Variants in FBH1 observed in about 807,000 individuals in gnomAD.
FBH1 encodes the protein DNA 3'-5' helicase 1.
Under a neutral mutation model 115.5 loss-of-function variants are expected in FBH1, and 43 were observed. The observed-to-expected ratio is 0.37, with a 90% CI of 0.29 to 0.48. The LOEUF (loss-of-function observed/expected upper bound fraction) is 0.48, where lower values mean the gene tolerates loss of function less well. FBH1 is among the 20% of genes least tolerant of loss of function. The pLI is 0.99. For missense variants in FBH1, 1,001 were observed against 1,337.3 expected (o/e 0.75, Z 3.92); for synonymous variants, 524 against 507.8 (o/e 1.03, Z -0.43).
At position 5,921,061 on chromosome 10, in the gene FBH1, G is replaced by T. The variant is rs1208051566; in HGVS notation, c.2101-197G>T. On this transcript the variant is annotated intron_variant, in intron 13 of 20. Transcript: ENST00000362091. The surrounding 1 kb of genome is among the most constrained non-coding windows in gnomAD (Gnocchi z 6.4). ...TTGCTTAAAAGAAAAATTTACTATT[G>T]GTGTTGAGAATAATGGAAAATAAAG... 2.0e-5 allele frequency among the ~76,000 whole-genome samples: 3 copies of T among 152,168 alleles called. No individual in the cohort carries two copies. Among genetic ancestry groups the T allele is most frequent in the African/African-American group, 7.2e-5 (3 of 41,438 alleles).
chr10:5,908,957 C>A lies in FBH1; in HGVS notation c.786C>A (p.Tyr262Ter). 1 of 1,614,128 alleles carries A rather than the reference C, an allele frequency of 6.2e-7. No homozygotes were observed. The change falls in exon 4 of 21, where the codon TAC becomes TAA. Residue 262 changes from tyrosine to a stop codon, truncating the protein, a stop_gained. Transcript: ENST00000362091. LOFTEE classifies it high-confidence loss of function. ...FIPWKKLYHR[Y>*]LMNEEQAVSK... ...CTTGGAAGAAGCTGTACCATCGATA[C>A]CTGATGAATGAAGAGCAAGCTGTCA...
At position 5,925,330 on chromosome 10, in the gene FBH1, G is replaced by A. The variant is rs1454967670; in HGVS notation, c.2597-37G>A. On this transcript the variant is annotated intron_variant, in intron 17 of 20. Coordinates refer to ENST00000362091, the MANE Select transcript of FBH1 (RefSeq NM_178150.3). The surrounding 1 kb of genome is among the most constrained non-coding windows in gnomAD (Gnocchi z 4.6). The stretch of plus-strand genomic sequence containing the variant: ...TTTGTCATCTTGTTTCTTTCCCTTT[G>A]AAGCACCATCTAACGTGTGCTGTGT... The A allele has an allele frequency of 2.5e-6, 4 of 1,604,960 alleles. No individual in the cohort carries two copies. In the African/African-American group the frequency reaches 4.0e-5, roughly 16 times the overall value.
chr10:5,895,751 A>G lies in FBH1; in HGVS notation c.1+5405A>G, dbSNP rs1842966926. ...CTTCTATTTTGAACACCCGGCTTCTAAGGATGTCCTGGGAATCAGCTTCCC... is the reference window on the plus strand; with the variant it reads ...CTTCTATTTTGAACACCCGGCTTCTGAGGATGTCCTGGGAATCAGCTTCCC... On this transcript the variant is annotated intron_variant, in intron 1 of 20. Transcript: ENST00000362091. This position sits in a 1 kb window ranked among gnomAD's most constrained non-coding sequence, Gnocchi z 5.0. Among the ~76,000 whole-genome samples, 1 of 152,102 alleles carries G rather than the reference A, an allele frequency of 6.6e-6. No homozygotes were observed. The highest frequency in any genetic ancestry group is 1.5e-5 in the Non-Finnish European group (1 of 68,014).
rs1832063389 is a variant in FBH1 at position 5,917,799 on chromosome 10, A to C, written c.1963+123A>C. The C allele has an allele frequency of 1.2e-6, 1 of 810,722 alleles. No individual in the cohort carries two copies. The highest frequency in any genetic ancestry group is 1.7e-5 in the African/African-American group (1 of 58,370). The allele number at this position is 810,722 out of a possible 1,614,324, so 50.2% of individuals were successfully genotyped here. A position where few individuals can be genotyped will look rare whatever the true frequency, so the allele number is the denominator to read the frequency against. ...ATTTGTGATAAAGAAGAGGATCTTC[A>C]TACTTACCTTAGGATTTCAAGCTGC... On this transcript the variant is annotated intron_variant, in intron 12 of 20. Transcript: ENST00000362091. The surrounding 1 kb of genome is among the most constrained non-coding windows in gnomAD (Gnocchi z 5.6).
rs1037935352 is a variant in FBH1 at position 5,925,219 on chromosome 10, T to C, written c.2597-148T>C. The C allele has an allele frequency of 4.3e-6, 4 of 933,128 alleles. No homozygotes were observed. The highest frequency in any genetic ancestry group is 6.4e-6 in the Non-Finnish European group (4 of 628,848). 57.8% of individuals were successfully genotyped at this position (933,128 alleles called of 1,614,324 possible). On this transcript the variant is annotated intron_variant, in intron 17 of 20. Transcript: ENST00000362091. This position sits in a 1 kb window ranked among gnomAD's most constrained non-coding sequence, Gnocchi z 4.6. ...CCCGACAGTTGTCTGTTCCCGACAG[T>C]TGTTTCCTCTTTCCCCCTTTTCCTA...
chr10:5,904,045 A>C (rs546067716), intron 2 of FBH1, among the ~76,000 whole-genome samples: 1 of 151,910 alleles, frequency 6.6e-6, no homozygotes, highest in Admixed American at 6.6e-5. Flanking sequence ...TTCAACTCAA[A>C]TATTATCTGG....
rs1161274110 is a variant in FBH1 at position 5,936,980 on chromosome 10, C to T, written c.2962-130C>T. On this transcript the variant is annotated intron_variant, in intron 20 of 20. Coordinates refer to ENST00000362091, the MANE Select transcript of FBH1 (RefSeq NM_178150.3). The surrounding 1 kb of genome is among the most constrained non-coding windows in gnomAD (Gnocchi z 5.6). The stretch of plus-strand genomic sequence containing the variant: ...GGAGGTGTTACTCTGAGGATGTGCA[C>T]CCCTCTGAAAACATCAGAATCCAAA... The T allele has an allele frequency of 2.9e-6, 3 of 1,045,016 alleles. No homozygotes were observed. The highest frequency in any genetic ancestry group is 5.9e-5 in the Admixed American group (2 of 33,684). 64.7% of individuals were successfully genotyped at this position (1,045,016 alleles called of 1,614,324 possible).
rs1054419370 is a variant in FBH1 at position 5,913,134 on chromosome 10, C to T, written c.1212-613C>T. Among the ~76,000 whole-genome samples, 1 of 152,066 alleles carries T rather than the reference C, an allele frequency of 6.6e-6. No homozygotes were observed. The highest frequency in any genetic ancestry group is 1.5e-5 in the Non-Finnish European group (1 of 68,020). ...TGCCAGCTGAGTCTGACGAGTCTGACGATGTCCTGTGCCTCTGCTGATTGA... is the reference window on the plus strand; with the variant it reads ...TGCCAGCTGAGTCTGACGAGTCTGATGATGTCCTGTGCCTCTGCTGATTGA... On this transcript the variant is annotated intron_variant, in intron 6 of 20. Transcript: ENST00000362091. This position sits in a 1 kb window ranked among gnomAD's most constrained non-coding sequence, Gnocchi z 4.4.
Position 5,914,117 on chromosome 10 carries a change from C to T in FBH1, c.1305-61C>T. The T allele has an allele frequency of 6.5e-7, 1 of 1,527,030 alleles. No individual in the cohort carries two copies. Among genetic ancestry groups the T allele is most frequent in the Non-Finnish European group, 9.1e-7 (1 of 1,101,890 alleles). 94.6% of individuals were successfully genotyped at this position (1,527,030 alleles called of 1,614,324 possible). A position where few individuals can be genotyped will look rare whatever the true frequency, so the allele number is the denominator to read the frequency against. ...TTTGTATGTTTGGTTTTTGGACTGTCTATCCCCTGGACTTTTCACGTCTTT... is the reference window on the plus strand; with the variant it reads ...TTTGTATGTTTGGTTTTTGGACTGTTTATCCCCTGGACTTTTCACGTCTTT... On this transcript the variant is annotated intron_variant, in intron 7 of 20. Transcript: ENST00000362091. The surrounding 1 kb of genome is among the most constrained non-coding windows in gnomAD (Gnocchi z 5.2).
chr10:5,927,665 G>C, intron 19 of FBH1, 124 bp downstream of exon 19: 1 of 672,662 alleles, frequency 1.5e-6, no homozygotes, highest in East Asian at 2.7e-5. Context: ...GAGAAACGCT[G>C]CTTGAACGTG....
intron 13 of FBH1, among the ~76,000 whole-genome samples, chr10:5,919,188 C>G (rs1322417240): frequency 6.6e-6 from 1 of 152,088 alleles, no homozygotes; most frequent in Non-Finnish European, 1.5e-5. Flanking sequence ...TTTATGTCAT[C>G]ATATAAGAGG....
At position 5,914,971 on chromosome 10, in the gene FBH1, G is replaced by A. The variant is rs530245033; in HGVS notation, c.1397-432G>A. ...AAGAAACTGAAGCACAGAGAGCCTT[G>A]CCCGGGGTTGAATAAGTGGATAGGT... On this transcript the variant is annotated intron_variant, in intron 8 of 20. Transcript: ENST00000362091. This position sits in a 1 kb window ranked among gnomAD's most constrained non-coding sequence, Gnocchi z 5.2. 1.2e-4 allele frequency among the ~76,000 whole-genome samples: 19 copies of A among 152,134 alleles called. No individual in the cohort carries two copies. Among genetic ancestry groups the A allele is most frequent in the Non-Finnish European group, 2.6e-4 (18 of 68,020 alleles).
In FBH1 at chr10:5,914,712, C is replaced by T. The variant is rs1159279340; in HGVS notation, c.1396+443C>T. ...TTATCTACAAGTGTCCTGCCTCAGT[C>T]AGCCACGCCGATCCACTCACAGCCT... On this transcript the variant is annotated intron_variant, in intron 8 of 20. Transcript: ENST00000362091. The surrounding 1 kb of genome is among the most constrained non-coding windows in gnomAD (Gnocchi z 5.2). Among the ~76,000 whole-genome samples the T allele has an allele frequency of 6.6e-6, 1 of 152,238 alleles. No individual in the cohort carries two copies. The highest frequency in any genetic ancestry group is 1.5e-5 in the Non-Finnish European group (1 of 68,042).
rs568346348 is a variant in FBH1 at position 5,909,410 on chromosome 10, C to G, written c.1020+116C>G. 1 of 1,219,586 alleles carries G rather than the reference C, an allele frequency of 8.2e-7. No individual in the cohort carries two copies. Among genetic ancestry groups the G allele is most frequent in the South Asian group, 1.6e-5 (1 of 63,716 alleles). The allele number at this position is 1,219,586 out of a possible 1,614,324, so 75.5% of individuals were successfully genotyped here. A position where few individuals can be genotyped will look rare whatever the true frequency, so the allele number is the denominator to read the frequency against. Reference sequence around the variant, plus strand: ...TTTATTTTTAATGTCTGTATTTAATCTCTGAATGCTTTGAAGCATTCATGT... The same window carrying G: ...TTTATTTTTAATGTCTGTATTTAATGTCTGAATGCTTTGAAGCATTCATGT... On this transcript the variant is annotated intron_variant, in intron 5 of 20. Coordinates refer to ENST00000362091, the MANE Select transcript of FBH1 (RefSeq NM_178150.3). This position sits in a 1 kb window ranked among gnomAD's most constrained non-coding sequence, Gnocchi z 4.4.
At chr10:5,908,198 T>G (rs1564441937) in intron 3 of FBH1, among the ~76,000 whole-genome samples, 1 of 152,354 alleles carries the variant, frequency 6.6e-6, no homozygotes, top group East Asian at 1.9e-4. Context: ...CTCTAATGTG[T>G]GGTGCATATA....
At chr10:5,896,838 T>G (rs1255032375) in intron 1 of FBH1, among the ~76,000 whole-genome samples, 1 of 151,940 alleles carries the variant, frequency 6.6e-6, no homozygotes, top group East Asian at 1.9e-4. Flanking sequence ...TTACAGGAGG[T>G]GTAAAGTGCA....
Position 5,916,392 on chromosome 10 carries a change from A to G in FBH1, c.1724A>G (p.His575Arg). The part of the protein sequence containing the change: ...ASADEELTID[H>R]VPIWCKNSQG... ...GCTGACGAAGAGCTGACCATTGATC[A>G]CGTGCCTATTTGGTGTAAGAACAGC... is the stretch of plus-strand genomic sequence containing the variant. The change falls in exon 10 of 21, where the codon CAC becomes CGC. Residue 575 changes from histidine (H) to arginine (R), a missense_variant. This residue lies in a region of FBH1 where 521 missense variants were observed against 811.0 expected (regional missense o/e 0.64). Coordinates refer to ENST00000362091, the MANE Select transcript of FBH1 (RefSeq NM_178150.3). 3 of 1,614,192 alleles carry G rather than the reference A, an allele frequency of 1.9e-6. No individual in the cohort carries two copies. The highest frequency in any genetic ancestry group is 2.5e-6 in the Non-Finnish European group (3 of 1,180,036).
In FBH1 at chr10:5,911,808, A is replaced by G. The variant is rs1831607371; in HGVS notation, c.1211+680A>G. On this transcript the variant is annotated intron_variant, in intron 6 of 20. Coordinates refer to ENST00000362091, the MANE Select transcript of FBH1 (RefSeq NM_178150.3). This position sits in a 1 kb window ranked among gnomAD's most constrained non-coding sequence, Gnocchi z 5.4. The stretch of plus-strand genomic sequence containing the variant: ...AATAGAACAGAGAGCTGTGGGGTGA[A>G]TGCTGCTTTAGAGGGGTGGAAAAAG... 6.6e-6 allele frequency among the ~76,000 whole-genome samples: 1 copy of G among 152,152 alleles called. No homozygotes were observed. Among genetic ancestry groups the G allele is most frequent in the Non-Finnish European group, 1.5e-5 (1 of 68,020 alleles).
intron 6 of FBH1, among the ~76,000 whole-genome samples, chr10:5,912,361 TAAA>T (rs34703842): frequency 7.2e-6 from 1 of 138,400 alleles, no homozygotes; most frequent in East Asian, 2.1e-4. Context: ...AGGCTCTGTC[TAAA>T]AAAAAAAAAA....
Sources: gnomAD v4.1 joint callset for allele counts (sites outside exome capture counted in the v4.1 genomes callset) on GRCh38, gnomAD v4.1.1 for gene constraint, gnomAD v4.1.1 regional missense constraint, Gnocchi (gnomAD v3.1) non-coding constraint, MANE v1.5 for transcripts, NCBI Gene and HGNC (gene_info 2026-07-23, HGNC 2026-07-21) for gene names.